Variants in DDX46 observed in about 807,000 individuals in gnomAD.
DDX46 encodes the protein DEAD-box helicase 46.
Under a neutral mutation model 134.9 loss-of-function variants are expected in DDX46, and 30 were observed. That is an observed-to-expected ratio of 0.22 (90% CI 0.17 to 0.30). The LOEUF (loss-of-function observed/expected upper bound fraction) is 0.30. Ranked by LOEUF, DDX46 falls within the 10% of genes least tolerant of loss-of-function variation. The pLI, the probability that DDX46 is intolerant of heterozygous loss-of-function variation, is 1.00. For synonymous variants in DDX46, 415 were observed against 404.1 expected, an observed-to-expected ratio of 1.03 and a Z score of -0.32; for missense variants, 622 against 1,248.7, an observed-to-expected ratio of 0.50 and a Z score of 7.56.
chr5:134,789,096 A>G (rs1311069040), intron 12 of DDX46: 5 of 152,186 alleles, frequency 3.3e-5, no homozygotes, highest in Admixed American at 3.3e-4. Flanking sequence ...TTGCAGCTTC[A>G]AGAAATTTTA....
chr5:134,768,390 G>A (rs1334523360), intron 3 of DDX46, among the ~76,000 whole-genome samples: 2 of 151,590 alleles, frequency 1.3e-5, no homozygotes, highest in Admixed American at 6.6e-5. Context: ...GATTAAAGGC[G>A]TGAGCCACCG....
chr5:134,767,780 G>A (rs971982388), intron 3 of DDX46, among the ~76,000 whole-genome samples: 2 of 151,618 alleles, frequency 1.3e-5, no homozygotes, highest in Admixed American at 6.6e-5. Context: ...GATAAACCCC[G>A]TCTCTACTAA....
chr5:134,784,681 G>A, intron 10 of DDX46, 140 bp downstream of exon 10: 1 of 893,038 alleles, frequency 1.1e-6, no homozygotes, highest in Non-Finnish European at 1.5e-6. Flanking sequence ...GCACTTTGGG[G>A]CTGATTTCCC....
intron 17 of DDX46, 42 bp from the exon 18 acceptor site, chr5:134,811,654 A>C (rs1755144703): frequency 1.3e-6 from 2 of 1,555,170 alleles, no homozygotes. Flanking sequence ...TAAACATTAA[A>C]GTTTTTACTA....
rs753822855 is a variant in DDX46 at position 134,818,852 on chromosome 5, T to C, written c.2833-8T>C. On this transcript the variant is annotated splice_region_variant and splice_polypyrimidine_tract_variant and intron_variant, in intron 20 of 22. Coordinates refer to ENST00000452510, the MANE Select transcript of DDX46 (RefSeq NM_001300860.2). ...AGTGATTTTTCTTTTCCTTACCTTT[T>C]CTTTTAGACTGCTAGGTGGAAAGTT... 3.1e-6 allele frequency: 5 copies of C among 1,602,508 alleles called. No individual in the cohort carries two copies. The East Asian group carries it at 1.1e-4, about 36-fold the overall frequency.
intron 11 of DDX46, 40 bp downstream of exon 11, chr5:134,785,626 T>G: frequency 6.4e-7 from 1 of 1,567,754 alleles, no homozygotes; most frequent in African/African-American, 1.4e-5. Context: ...CATTCTTTTC[T>G]CAAGTTGGAT....
intron 11 of DDX46, among the ~76,000 whole-genome samples, chr5:134,787,769 G>A (rs965696197): frequency 6.6e-6 from 1 of 152,086 alleles, no homozygotes; most frequent in African/African-American, 2.4e-5. Flanking sequence ...CAGCATTTTG[G>A]GAGGCTGAAA....
At chr5:134,764,710 G>T (rs908437486) in intron 2 of DDX46, among the ~76,000 whole-genome samples, 1 of 152,006 alleles carries the variant, frequency 6.6e-6, no homozygotes, top group Non-Finnish European at 1.5e-5. Flanking sequence ...ATTCAAGAGG[G>T]TTCTATTCCA....
At chr5:134,805,685 T>C (rs1034497613) in intron 15 of DDX46, among the ~76,000 whole-genome samples, 7 of 151,836 alleles carry the variant, frequency 4.6e-5, no homozygotes, top group African/African-American at 1.7e-4. Context: ...GCTGCCACCA[T>C]GCCTGGTTAA....
intron 6 of DDX46, 101 bp downstream of exon 6, chr5:134,777,826 A>G: frequency 1.4e-6 from 2 of 1,388,696 alleles, no homozygotes; most frequent in Non-Finnish European, 1.9e-6. Flanking sequence ...TAAAGCTAAC[A>G]GTTTTCTTTC....
chr5:134,802,549 A>G (rs1172385755), intron 15 of DDX46, among the ~76,000 whole-genome samples: 1 of 149,938 alleles, frequency 6.7e-6, no homozygotes, highest in Non-Finnish European at 1.5e-5. Context: ...CCATCTAGTG[A>G]ATTTTTGAAT....
At chr5:134,824,618 T>C (rs138168810) in intron 21 of DDX46, among the ~76,000 whole-genome samples, 73 of 152,242 alleles carry the variant, frequency 4.8e-4, no homozygotes, top group African/African-American at 1.7e-3. Context: ...TATAATGATA[T>C]TGAATAAGAG....
intron 3 of DDX46, 57 bp from the exon 4 acceptor site, chr5:134,770,846 A>T (rs773298159): frequency 1.4e-6 from 2 of 1,403,994 alleles, no homozygotes; most frequent in Non-Finnish European, 9.6e-7. Flanking sequence ...TTTAAAAATG[A>T]ATGTTTCTAA....
At chr5:134,766,775 T>A in intron 2 of DDX46, 142 bp from the exon 3 acceptor site, 2 of 992,002 alleles carry the variant, frequency 2.0e-6, no homozygotes, top group Non-Finnish European at 2.8e-6. Flanking sequence ...TGAGCACTTA[T>A]AAGACTTGGC....
At chr5:134,759,492 ATT>A (rs1753310288) in intron 1 of DDX46, among the ~76,000 whole-genome samples, 1 of 152,190 alleles carries the variant, frequency 6.6e-6, no homozygotes, top group African/African-American at 2.4e-5. Context: ...TAGATTTCGT[ATT>A]TAAGCAGGTA....
intron 5 of DDX46, among the ~76,000 whole-genome samples, chr5:134,776,006 A>G (rs1184445915): frequency 1.3e-5 from 2 of 152,138 alleles, no homozygotes; most frequent in Non-Finnish European, 2.9e-5. Flanking sequence ...TTCACCAATA[A>G]CATGAACAGT....
chr5:134,812,601 C>G (rs1755176826), intron 18 of DDX46, among the ~76,000 whole-genome samples: 2 of 152,120 alleles, frequency 1.3e-5, no homozygotes, highest in South Asian at 2.1e-4. Flanking sequence ...CCCAGTTGTC[C>G]TATTAACCTT....
At chr5:134,768,283 G>A (rs1753645262) in intron 3 of DDX46, among the ~76,000 whole-genome samples, 1 of 151,454 alleles carries the variant, frequency 6.6e-6, no homozygotes, top group Non-Finnish European at 1.5e-5. Flanking sequence ...CTAATTTTTT[G>A]TATTTTTTAG....
chr5:134,795,936 G>T, intron 14 of DDX46, 52 bp from the exon 15 acceptor site: 4 of 1,512,618 alleles, frequency 2.6e-6, no homozygotes, highest in Admixed American at 1.8e-5. Context: ...TCTGTCCAGG[G>T]GATCCATTTG....
Sources: gnomAD v4.1 joint callset for allele counts (sites outside exome capture counted in the v4.1 genomes callset) on GRCh38, gnomAD v4.1.1 for gene constraint, MANE v1.5 for transcripts, NCBI Gene and HGNC (gene_info 2026-07-23, HGNC 2026-07-21) for gene names.